The following CTNNA2 variants were observed in gnomAD, a reference collection of about 807,000 sequenced individuals.
The protein encoded by CTNNA2 is catenin alpha-2.
In CTNNA2, 42 loss-of-function variants were observed where a neutral mutation model predicts 101.0. The observed-to-expected ratio is 0.42, with a 90% CI of 0.32 to 0.54. CTNNA2 has a LOEUF of 0.54. Ranked by LOEUF, CTNNA2 falls within the 20% of genes least tolerant of loss-of-function variation. The pLI is 0.14. For synonymous variants in CTNNA2, 450 were observed against 456.4 expected, an observed-to-expected ratio of 0.99 and a Z score of 0.18; for missense variants, 871 against 1,223.1, an observed-to-expected ratio of 0.71 and a Z score of 4.29.
At chr2:79,359,595 C>T (rs1165840938) in intron 3 of CTNNA2, among the ~76,000 whole-genome samples, 1 of 152,116 alleles carries the variant, frequency 6.6e-6, no homozygotes, top group Non-Finnish European at 1.5e-5. Flanking sequence ...TCATGGGAAG[C>T]CCCTGGAGAG....
chr2:79,527,474 C>CAAAAAAAAAAA (rs58822666), intron 1 of CTNNA2, among the ~76,000 whole-genome samples: 118 of 83,744 alleles, frequency 1.4e-3, no homozygotes, highest in Middle Eastern at 6.9e-3. Flanking sequence ...ACTAAAAATA[C>CAAAAAAAAAAA]AAAAAAAAAA....
intron 12 of CTNNA2, 89 bp downstream of exon 12, chr2:80,555,982 C>A: frequency 1.1e-5 from 10 of 888,878 alleles, no homozygotes; most frequent in South Asian, 3.1e-5. Flanking sequence ...TTTCTGTAGG[C>A]CTTTATGCTT....
intron 7 of CTNNA2, among the ~76,000 whole-genome samples, chr2:80,291,555 G>C (rs1028619746): frequency 1.3e-5 from 2 of 152,180 alleles, no homozygotes; most frequent in African/African-American, 4.8e-5. Flanking sequence ...CAAAGAAAAA[G>C]CTTCTTTAAA....
chr2:80,062,514 T>C (rs2104384032), intron 7 of CTNNA2, among the ~76,000 whole-genome samples: 1 of 152,296 alleles, frequency 6.6e-6, no homozygotes, highest in East Asian at 1.9e-4. Flanking sequence ...GCAATAATGC[T>C]CCTGGGTAAT....
intron 7 of CTNNA2, among the ~76,000 whole-genome samples, chr2:80,208,715 G>T (rs1573393862): frequency 6.6e-6 from 1 of 152,070 alleles, no homozygotes; most frequent in Admixed American, 6.6e-5. Flanking sequence ...TATAATCGTG[G>T]GCAGTATCTC....
At chr2:79,485,778 T>G (rs1038121321) in intron 4 of CTNNA2, among the ~76,000 whole-genome samples, 1 of 152,238 alleles carries the variant, frequency 6.6e-6, no homozygotes, top group Non-Finnish European at 1.5e-5. Context: ...TCCCCTTTAT[T>G]TTAGATTCAT....
In CTNNA2 at chr2:79,266,568, A is replaced by G. The variant is rs1339293716; in HGVS notation, c.-405-46141A>G. On this transcript the variant is annotated intron_variant, in intron 2 of 21. Transcript: ENST00000466387. ...GAAAACTGGTACTGAATGTAATTCC[A>G]GGAAGGGATTTTCAGAATGCTATCT... Among the ~76,000 whole-genome samples the G allele has an allele frequency of 3.3e-5, 5 of 152,156 alleles. No individual in the cohort carries two copies. The South Asian group carries it at 6.2e-4, about 19-fold the overall frequency.
chr2:80,194,677 A>G (rs891739166), intron 7 of CTNNA2, among the ~76,000 whole-genome samples: 1 of 151,314 alleles, frequency 6.6e-6, no homozygotes, highest in Non-Finnish European at 1.5e-5. Context: ...TTGAGGAGAC[A>G]GGCGATTTTT....
chr2:79,879,643 G>C (rs1436179905), intron 6 of CTNNA2, among the ~76,000 whole-genome samples: 1 of 151,994 alleles, frequency 6.6e-6, no homozygotes, highest in East Asian at 1.9e-4. Flanking sequence ...GTAAAGGAAT[G>C]CTTGTGATTT....
intron 7 of CTNNA2, among the ~76,000 whole-genome samples, chr2:80,196,435 T>A (rs1421426020): frequency 6.6e-6 from 1 of 152,178 alleles, no homozygotes; most frequent in Non-Finnish European, 1.5e-5. Flanking sequence ...ACCTTATCTG[T>A]AGTCACAGAA....
chr2:80,209,558 C>T (rs972660968), intron 7 of CTNNA2, among the ~76,000 whole-genome samples: 13 of 152,040 alleles, frequency 8.6e-5, no homozygotes, highest in Non-Finnish European at 1.5e-5. Flanking sequence ...ATCTCATTCT[C>T]TTATGAACAT....
At chr2:80,023,514 G>A (rs1023271299) in intron 7 of CTNNA2, among the ~76,000 whole-genome samples, 3 of 152,074 alleles carry the variant, frequency 2.0e-5, no homozygotes, top group African/African-American at 7.2e-5. Context: ...TCTGTTCTAT[G>A]AGCTACGAAA....
intron 7 of CTNNA2, among the ~76,000 whole-genome samples, chr2:80,014,730 A>G (rs1299894386): frequency 2.6e-5 from 4 of 152,232 alleles, no homozygotes; most frequent in African/African-American, 9.6e-5. Flanking sequence ...ATATTTGTCA[A>G]CAGTCATGAA....
chr2:79,876,900 C>A (rs1450411841), intron 6 of CTNNA2, among the ~76,000 whole-genome samples: 2 of 151,864 alleles, frequency 1.3e-5, no homozygotes, highest in African/African-American at 4.8e-5. Flanking sequence ...AAATTTAACA[C>A]ATGAATATAA....
intron 2 of CTNNA2, among the ~76,000 whole-genome samples, chr2:79,280,672 A>T (rs1360377774): frequency 1.1e-5 from 1 of 89,970 alleles, no homozygotes; most frequent in African/African-American, 6.0e-5. Context: ...AAAGAGAGAG[A>T]GAGAGAGAGA....
intron 6 of CTNNA2, among the ~76,000 whole-genome samples, chr2:79,885,779 G>A (rs1683813870): frequency 6.6e-6 from 1 of 152,190 alleles, no homozygotes; most frequent in Non-Finnish European, 1.5e-5. Flanking sequence ...TCTCTGCTAT[G>A]TGTCTGAGAA....
At chr2:80,537,439 C>T (rs1442130938) in intron 9 of CTNNA2, among the ~76,000 whole-genome samples, 1 of 152,066 alleles carries the variant, frequency 6.6e-6, no homozygotes, top group Non-Finnish European at 1.5e-5. Context: ...GGTATATACC[C>T]AGTAATGGAA....
chr2:79,645,428 G>A (rs996333456), intron 1 of CTNNA2, among the ~76,000 whole-genome samples: 1 of 152,164 alleles, frequency 6.6e-6, no homozygotes, highest in Non-Finnish European at 1.5e-5. Flanking sequence ...ATGTACAGGA[G>A]ACTCAGTACT....
intron 9 of CTNNA2, among the ~76,000 whole-genome samples, chr2:80,459,188 A>T (rs891678265): frequency 5.3e-5 from 8 of 152,150 alleles, no homozygotes; most frequent in Admixed American, 5.2e-4. Flanking sequence ...ACAATGATGA[A>T]ACCACCTAAG....
Sources: gnomAD v4.1 joint callset for allele counts (sites outside exome capture counted in the v4.1 genomes callset) on GRCh38, gnomAD v4.1.1 for gene constraint, MANE v1.5 for transcripts, NCBI Gene and HGNC (gene_info 2026-07-23, HGNC 2026-07-21) for gene names.